The following PLEC variants were observed in gnomAD, a reference collection of about 807,000 sequenced individuals.
The protein encoded by PLEC is hemidesmosomal protein 1.
PLEC carries 216 observed loss-of-function variants against 392.8 expected under a neutral mutation model. The observed-to-expected ratio is 0.55, with a 90% CI of 0.49 to 0.62. The LOEUF (loss-of-function observed/expected upper bound fraction) is 0.62. PLEC is among the 20% of genes least tolerant of loss of function. PLEC has a pLI of 0.00. For synonymous variants in PLEC, 3,621 were observed against 2,980.6 expected, an observed-to-expected ratio of 1.21 and a Z score of -7.00; for missense variants, 6,863 against 6,563.4, an observed-to-expected ratio of 1.05 and a Z score of -1.58.
rs1344590470 is a variant in PLEC at position 143,918,905 on chromosome 8, G to A, written c.10916C>T (p.Ser3639Phe). The A allele has an allele frequency of 3.1e-6, 5 of 1,611,492 alleles. No individual in the cohort carries two copies. The highest frequency in any genetic ancestry group is 1.1e-5 in the South Asian group (1 of 91,082). The stretch of plus-strand genomic sequence containing the variant: ...GAGGCGGCGGCGCACGTAGTCGTAG[G>A]AGGCCAGACCCTGCTGGCGGATGAT... ...TEIIRQQGLA[S>F]YDYVRRRLTA... Residue 3639 changes from serine to phenylalanine, a missense_variant, in exon 32 of 32, where the codon TCC (serine) becomes TTC (phenylalanine). By Grantham distance (155) the Ser-to-Phe change is radical. Coordinates refer to ENST00000345136, the MANE Select transcript of PLEC (RefSeq NM_201384.3).
At chr8:143,926,493 A>G (rs1429887809) in intron 30 of PLEC, among the ~76,000 whole-genome samples, 1 of 152,224 alleles carries the variant, frequency 6.6e-6, no homozygotes, top group Non-Finnish European at 1.5e-5. Context: ...CAGAACGCCA[A>G]GGAAGAGCCC....
At position 143,923,896 on chromosome 8, in the gene PLEC, G is replaced by A. The variant is rs782488330; in HGVS notation, c.6033C>T (p.Val2011=). The change falls in exon 31 of 32, where the codon GTC becomes GTT. Residue 2011 remains valine, a synonymous_variant. Transcript: ENST00000345136. ...CCTCCACCTTGGCTTTCAGCCGCTC[G>A]ACTTCCTCCAGCGCCGCCTTCCGCT... ...ARQRKAALEE[V]ERLKAKVEEA... is the part of the protein sequence containing the mutation. 20 of 1,594,632 alleles carry A rather than the reference G, an allele frequency of 1.3e-5. No homozygotes were observed. In the East Asian group the frequency reaches 3.1e-4, roughly 25 times the overall value.
At chr8:143,931,846 G>A in intron 18 of PLEC, 91 bp downstream of exon 18, 1 of 1,424,426 alleles carries the variant, frequency 7.0e-7, no homozygotes, top group Non-Finnish European at 9.7e-7. Flanking sequence ...TCTGCAGACA[G>A]GAGGGCTCCT....
rs376154297 is a variant in PLEC, at chr8:143,920,977, G to A, written c.8844C>T (p.Gly2948=). The change falls in exon 32 of 32, where the codon GGC becomes GGT. Residue 2948 remains glycine (G), a synonymous_variant. Coordinates refer to ENST00000345136, the MANE Select transcript of PLEC (RefSeq NM_201384.3). The part of the protein sequence containing the change: ...RRDLLRQFRT[G]RITVEKIIKI... ...TGATGATCTTCTCCACTGTGATCCG[G>A]CCCGTGCGGAACTGCCGCAGCAGGT... The A allele has an allele frequency of 3.1e-6, 5 of 1,613,108 alleles. No individual in the cohort carries two copies. Among genetic ancestry groups the A allele is most frequent in the Non-Finnish European group, 4.2e-6 (5 of 1,180,024 alleles).
intron 1 of PLEC, among the ~76,000 whole-genome samples, chr8:143,961,973 G>A (rs1554741013): frequency 2.6e-5 from 4 of 152,082 alleles, no homozygotes; most frequent in Non-Finnish European, 5.9e-5. Flanking sequence ...GTAATCACGT[G>A]CCCAGCCCAC....
At position 143,928,049 on chromosome 8, in the gene PLEC, G is replaced by A. The variant is rs1039735579; in HGVS notation, c.3261-57C>T. ...ATGGGGCTCGAGCAATAGCCCAAGG[G>A]AATGGAACCCAAGCCACAGCGACCC... On this transcript the variant is annotated intron_variant, in intron 25 of 31. Coordinates refer to ENST00000345136, the MANE Select transcript of PLEC (RefSeq NM_201384.3). 20 of 1,532,304 alleles carry A rather than the reference G, an allele frequency of 1.3e-5. No individual in the cohort carries two copies. In the East Asian group the frequency reaches 1.4e-4, roughly 10 times the overall value. 94.9% of individuals were successfully genotyped at this position (1,532,304 alleles called of 1,614,324 possible).
chr8:143,925,906 G>A (rs781820319), intron 30 of PLEC, 22 bp from the exon 31 acceptor site: 19 of 1,536,476 alleles, frequency 1.2e-5, no homozygotes, highest in Non-Finnish European at 1.6e-5. Context: ...GCAGAGAGAA[G>A]AAGAGAAGCA....
chr8:143,936,375 G>A (rs565554800), intron 5 of PLEC, among the ~76,000 whole-genome samples: 1 of 152,338 alleles, frequency 6.6e-6, no homozygotes, highest in South Asian at 2.1e-4. Flanking sequence ...AGGGCAGTGG[G>A]CATAAGAGGA....
At chr8:143,928,261 G>A (rs1362048223) in intron 25 of PLEC, among the ~76,000 whole-genome samples, 3 of 152,248 alleles carry the variant, frequency 2.0e-5, no homozygotes, top group Non-Finnish European at 4.4e-5. Context: ...AAGGCCCCGA[G>A]ACAGGACGAG....
Position 143,922,920 on chromosome 8 carries a change from C to T in PLEC, c.7009G>A (p.Glu2337Lys), listed in dbSNP as rs782320836. 3 of 1,601,208 alleles carry T rather than the reference C, an allele frequency of 1.9e-6. No individual in the cohort carries two copies. The highest frequency in any genetic ancestry group is 1.1e-5 in the South Asian group (1 of 89,408). ...CGCCGCGCCTGCTCCTGCGCAAGCT[C>T]CTTCTGCTGCTGCAGCAGTTCCGCC... ...AEAELLQQQK[E>K]LAQEQARRLQ... The change falls in exon 31 of 32, where the codon GAG becomes AAG. Residue 2337 changes from glutamate (E) to lysine (K), a missense_variant. Transcript: ENST00000345136.
upstream of PLEC, among the ~76,000 whole-genome samples, chr8:143,940,873 C>A (rs1302044381): frequency 1.3e-5 from 2 of 152,196 alleles, no homozygotes; most frequent in African/African-American, 4.8e-5. Flanking sequence ...ACACGCCGCC[C>A]AACGAAGACA....
Position 143,923,680 on chromosome 8 carries a change from C to T in PLEC, c.6249G>A (p.Ala2083=), listed in dbSNP as rs377026986. The change falls in exon 31 of 32, where the codon GCG becomes GCA. Residue 2083 remains alanine (A), a synonymous_variant. Coordinates refer to ENST00000345136, the MANE Select transcript of PLEC (RefSeq NM_201384.3). The part of the protein sequence containing the change: ...QSVLDQLRGE[A]EAARRAAEEA... ...CCTCAGCCGCCCGCCGGGCCGCCTC[C>T]GCCTCGCCGCGCAGCTGGTCCAGCA... 7.8e-5 allele frequency: 120 copies of T among 1,548,000 alleles called. No homozygotes were observed. The Middle Eastern group carries it at 2.8e-3, about 36-fold the overall frequency.
chr8:143,944,718 G>A, intron 1 of PLEC: 2 of 1,287,126 alleles, frequency 1.6e-6, no homozygotes, highest in South Asian at 3.2e-5. Context: ...GGGTGTGGGA[G>A]GTCACAGGCC....
At position 143,922,064 on chromosome 8, in the gene PLEC, A is replaced by G; in HGVS notation, c.7757T>C (p.Leu2586Pro). ...LEQQRRQQEE[L>P]LAEENQRLRE... ...CAGCCTCTGGTTCTCCTCAGCCAGC[A>G]GCTCCTCCTGCTGCCGCCGCTGCTG... Residue 2586 changes from leucine to proline, a missense_variant, in exon 32 of 32, where the codon CTG becomes CCG. Transcript: ENST00000345136. 2 of 1,588,970 alleles carry G rather than the reference A, an allele frequency of 1.3e-6. No homozygotes were observed. The highest frequency in any genetic ancestry group is 1.7e-6 in the Non-Finnish European group (2 of 1,175,698).
Position 143,919,930 on chromosome 8 carries a change from G to A in PLEC, c.9891C>T (p.Thr3297=), listed in dbSNP as rs1554679926. 6 of 1,613,352 alleles carry A rather than the reference G, an allele frequency of 3.7e-6. No individual in the cohort carries two copies. The highest frequency in any genetic ancestry group is 2.7e-5 in the African/African-American group (2 of 75,042). ...TGAAGGACAGCCTCTCCTGCCGCAGGGTCTCCACCTCCTCCACGATGGTAA... is the reference window on the plus strand; with the variant it reads ...TGAAGGACAGCCTCTCCTGCCGCAGAGTCTCCACCTCCTCCACGATGGTAA... ...ILITIVEEVE[T]LRQERLSFSG... The change falls in exon 32 of 32, where the codon ACC becomes ACT. Residue 3297 remains threonine (T), a synonymous_variant. Coordinates refer to ENST00000345136, the MANE Select transcript of PLEC (RefSeq NM_201384.3).
At position 143,932,492 on chromosome 8, in the gene PLEC, G is replaced by A; in HGVS notation, c.1885C>T (p.Leu629=). The A allele has an allele frequency of 2.5e-6, 4 of 1,612,648 alleles. No homozygotes were observed. The highest frequency in any genetic ancestry group is 3.4e-6 in the Non-Finnish European group (4 of 1,179,970). Residue 629 remains leucine, a synonymous_variant, in exon 16 of 32, where the codon CTA becomes TTA. Coordinates refer to ENST00000345136, the MANE Select transcript of PLEC (RefSeq NM_201384.3). ...TCCTCCTTCTCATTCAGCCACATTA[G>A]CTCCTTAGTGGCGGCTGCCACAAAG... ...HSFVAAATKE[L]MWLNEKEEEE... is the part of the protein sequence containing the mutation.
intron 19 of PLEC, among the ~76,000 whole-genome samples, 166 bp from the exon 20 acceptor site, chr8:143,930,702 C>T (rs1348209976): frequency 6.6e-6 from 1 of 152,086 alleles, no homozygotes; most frequent in Non-Finnish European, 1.5e-5. Flanking sequence ...GGGTTGGCCC[C>T]AAGCAGACCC....
upstream of PLEC, among the ~76,000 whole-genome samples, chr8:143,974,150 C>A (rs1833574891): frequency 6.6e-6 from 1 of 152,244 alleles, no homozygotes. This position sits in a 1 kb window ranked among gnomAD's most constrained non-coding sequence, Gnocchi z 5.9. Context: ...CCTGTAACTG[C>A]AAGTCCCGCT....
intron 1 of PLEC, among the ~76,000 whole-genome samples, chr8:143,965,408 G>C (rs1264959512): frequency 1.4e-5 from 1 of 73,046 alleles, no homozygotes; most frequent in African/African-American, 5.9e-5. Flanking sequence ...CCGTCTGAAC[G>C]CGTGTTCCCA....
Sources: gnomAD v4.1 joint callset for allele counts (sites outside exome capture counted in the v4.1 genomes callset) on GRCh38, gnomAD v4.1.1 for gene constraint, Gnocchi (gnomAD v3.1) non-coding constraint, MANE v1.5 for transcripts, NCBI Gene and HGNC (gene_info 2026-07-23, HGNC 2026-07-21) for gene names.